SUPT3H: variants seen among roughly 807,000 people sequenced by gnomAD.
The protein encoded by SUPT3H is SPT3 homolog, SAGA and STAGA complex component.
A neutral mutation model predicts 44.3 loss-of-function variants in SUPT3H; 44 were observed. That is an observed-to-expected ratio of 0.99 (90% CI 0.78 to 1.28). SUPT3H has a LOEUF of 1.28. Among genes scored for constraint, SUPT3H ranks in the 50% most tolerant of loss-of-function variants. The pLI is 0.00. For missense variants in SUPT3H, 380 were observed against 387.1 expected (o/e 0.98, Z 0.15); for synonymous variants, 124 against 125.6 (o/e 0.99, Z 0.09).
At chr6:44,947,966 T>C (rs1773624498) in intron 9 of SUPT3H, among the ~76,000 whole-genome samples, 1 of 152,062 alleles carries the variant, frequency 6.6e-6, no homozygotes, top group South Asian at 2.1e-4. Flanking sequence ...GCAATAAATA[T>C]AAAAGAAAAA....
At chr6:45,060,994 G>A (rs1791914506) in intron 3 of SUPT3H, among the ~76,000 whole-genome samples, 1 of 152,130 alleles carries the variant, frequency 6.6e-6, no homozygotes, top group South Asian at 2.1e-4. Flanking sequence ...TAACACTGTT[G>A]GTGGGGATGT....
intron 2 of SUPT3H, among the ~76,000 whole-genome samples, chr6:45,121,049 AATT>A (rs1303662893): frequency 6.6e-6 from 1 of 152,184 alleles, no homozygotes; most frequent in Non-Finnish European, 1.5e-5. Flanking sequence ...CTAGGTATGT[AATT>A]ATTATTATAT....
At chr6:44,811,905 C>G (rs1316801351) in intron 11 of SUPT3H, among the ~76,000 whole-genome samples, 1 of 149,316 alleles carries the variant, frequency 6.7e-6, no homozygotes, top group Admixed American at 6.7e-5. Flanking sequence ...CCTATGCTTT[C>G]ACTTTCCTAG....
rs747352254 is a variant in SUPT3H at position 45,328,430 on chromosome 6, T to TC, written c.101+36770dup. 9.7e-6 allele frequency: 14 copies of TC among 1,445,862 alleles called. No homozygotes were observed. The South Asian group carries it at 1.5e-4, about 15-fold the overall frequency. The allele number at this position is 1,445,862 out of a possible 1,614,324, so 89.6% of individuals were successfully genotyped here. The stretch of plus-strand genomic sequence containing the variant: ...TTTTTAAATGGTTAATCTCCGCAGG[T>TC]CACTACCAGCCACCGAGACCAACAG... On this transcript the variant is annotated intron_variant, in intron 2 of 10. Coordinates refer to ENST00000371459, the MANE Select transcript of SUPT3H (RefSeq NM_003599.4).
chr6:44,876,655 T>A (rs1412959249), intron 10 of SUPT3H, among the ~76,000 whole-genome samples: 18 of 144,360 alleles, frequency 1.2e-4, no homozygotes, highest in African/African-American at 2.5e-4. Flanking sequence ...AAGTATAATT[T>A]AAAAAAAAAA....
chr6:44,916,159 CA>C (rs1767775242), intron 10 of SUPT3H, among the ~76,000 whole-genome samples: 1 of 152,172 alleles, frequency 6.6e-6, no homozygotes, highest in African/African-American at 2.4e-5. Flanking sequence ...GTTTAGGAAT[CA>C]GTAAAAGCAG....
At chr6:45,234,357 C>A (rs1190892338) in intron 2 of SUPT3H, among the ~76,000 whole-genome samples, 1 of 151,584 alleles carries the variant, frequency 6.6e-6, no homozygotes, top group South Asian at 2.1e-4. Context: ...ATGGTGAAAC[C>A]CTGTCTCTAC....
At chr6:45,277,734 G>A (rs530782252) in intron 2 of SUPT3H, among the ~76,000 whole-genome samples, 8 of 152,216 alleles carry the variant, frequency 5.3e-5, no homozygotes, top group Non-Finnish European at 1.5e-5. Flanking sequence ...GTGATAGACT[G>A]GATAAAGAAA....
chr6:45,186,691 C>T (rs1487488628), intron 2 of SUPT3H, among the ~76,000 whole-genome samples: 1 of 152,146 alleles, frequency 6.6e-6, no homozygotes, highest in Non-Finnish European at 1.5e-5. Flanking sequence ...GAAGCAGGTA[C>T]ACCACTCTTA....
At chr6:44,946,016 A>G (rs1314031534) in intron 9 of SUPT3H, among the ~76,000 whole-genome samples, 1 of 152,190 alleles carries the variant, frequency 6.6e-6, no homozygotes, top group Non-Finnish European at 1.5e-5. Context: ...TTCATGTACC[A>G]TTCTAAAAAT....
At chr6:45,328,570 T>C in intron 2 of SUPT3H, 2 of 1,580,340 alleles carry the variant, frequency 1.3e-6, no homozygotes, top group South Asian at 1.2e-5. Context: ...AGCTACATAA[T>C]TTCTTGACAG....
chr6:45,279,390 T>A (rs1402259604), intron 2 of SUPT3H, among the ~76,000 whole-genome samples: 2 of 152,190 alleles, frequency 1.3e-5, no homozygotes, highest in African/African-American at 4.8e-5. Flanking sequence ...AGACTCATGT[T>A]GATATGCTAT....
At chr6:45,141,947 T>C (rs1407402310) in intron 2 of SUPT3H, among the ~76,000 whole-genome samples, 2 of 152,116 alleles carry the variant, frequency 1.3e-5, no homozygotes, top group Admixed American at 1.3e-4. Context: ...AGTCATCAGG[T>C]TATCTAAAGT....
chr6:44,947,629 T>C (rs1003481929), intron 9 of SUPT3H, among the ~76,000 whole-genome samples: 3 of 152,130 alleles, frequency 2.0e-5, no homozygotes, highest in Non-Finnish European at 4.4e-5. Flanking sequence ...GAACACAGCA[T>C]GTCCATATTA....
At chr6:45,336,114 T>G (rs1788493428) in intron 2 of SUPT3H, among the ~76,000 whole-genome samples, 1 of 151,354 alleles carries the variant, frequency 6.6e-6, no homozygotes, top group Admixed American at 6.6e-5. Context: ...CCCAGAATTC[T>G]TCTATTCTCC....
intron 9 of SUPT3H, among the ~76,000 whole-genome samples, chr6:44,944,762 C>CAAAAAAAAAAAAAAA (rs57506313): frequency 5.0e-4 from 15 of 29,878 alleles, no homozygotes; most frequent in African/African-American, 1.0e-3. Context: ...ACCCTCTCTC[C>CAAAAAAAAAAAAAAA]AAAAAAAAAA....
At chr6:45,167,271 T>C (rs1425783843) in intron 2 of SUPT3H, among the ~76,000 whole-genome samples, 3 of 152,174 alleles carry the variant, frequency 2.0e-5, no homozygotes, top group Non-Finnish European at 1.5e-5. Context: ...AAAGAAGTGA[T>C]AGCAACCGGA....
intron 6 of SUPT3H, 37 bp from the exon 7 acceptor site, chr6:44,961,865 G>A: frequency 6.7e-7 from 1 of 1,490,584 alleles, no homozygotes; most frequent in Non-Finnish European, 9.2e-7. Context: ...TTTAAAGCAA[G>A]CAGATTATTA....
chr6:44,877,908 A>G (rs1288888036), intron 10 of SUPT3H, among the ~76,000 whole-genome samples: 1 of 152,210 alleles, frequency 6.6e-6, no homozygotes, highest in Non-Finnish European at 1.5e-5. Flanking sequence ...GGTTCTTTGA[A>G]TAAGCCTGAT....
Sources: allele counts gnomAD v4.1 joint callset (sites outside exome capture counted in the v4.1 genomes callset), GRCh38; gene constraint gnomAD v4.1.1; transcripts MANE v1.5; gene names NCBI Gene and HGNC (gene_info 2026-07-23, HGNC 2026-07-21).